Variants in RABGAP1L observed in about 807,000 individuals in gnomAD.
RABGAP1L encodes RAB GTPase activating protein 1 like.
A neutral mutation model predicts 137.7 loss-of-function variants in RABGAP1L; 63 were observed. The observed-to-expected ratio is 0.46, with a 90% CI of 0.37 to 0.56. RABGAP1L has a LOEUF of 0.56. RABGAP1L is among the 20% of genes least tolerant of loss of function. The pLI, the probability that RABGAP1L is intolerant of heterozygous loss-of-function variation, is 0.00. For missense variants in RABGAP1L, 1,095 were observed against 1,244.0 expected (o/e 0.88, Z 1.80); for synonymous variants, 431 against 433.7 (o/e 0.99, Z 0.08).
chr1:174,555,540 C>A (rs182371449), intron 13 of RABGAP1L, among the ~76,000 whole-genome samples: 4,583 of 151,378 alleles, frequency 0.03, 117 homozygotes, highest in Middle Eastern at 0.092. Flanking sequence ...GTCCCCCCCC[C>A]AAAAAAAATG....
intron 7 of RABGAP1L, among the ~76,000 whole-genome samples, chr1:174,258,317 C>T (rs1673290699): frequency 6.6e-6 from 1 of 152,210 alleles, no homozygotes; most frequent in Non-Finnish European, 1.5e-5. Context: ...CTGGGTCTCA[C>T]TCTGTCACCC....
At chr1:174,540,928 A>T (rs1665353605) in intron 13 of RABGAP1L, among the ~76,000 whole-genome samples, 1 of 152,230 alleles carries the variant, frequency 6.6e-6, no homozygotes. Flanking sequence ...ATCCACGAGC[A>T]TGGGATGTTC....
At chr1:174,182,506 CAG>C (rs1666460452) in intron 1 of RABGAP1L, among the ~76,000 whole-genome samples, 1 of 152,186 alleles carries the variant, frequency 6.6e-6, no homozygotes, top group African/African-American at 2.4e-5. Flanking sequence ...CACTGGATCT[CAG>C]GGGAAGAGGG....
At chr1:174,516,370 C>T (rs528954365) in intron 13 of RABGAP1L, among the ~76,000 whole-genome samples, 1 of 152,196 alleles carries the variant, frequency 6.6e-6, no homozygotes, top group East Asian at 1.9e-4. Flanking sequence ...CCAAAAAATA[C>T]AAAAATGCGA....
intron 13 of RABGAP1L, among the ~76,000 whole-genome samples, chr1:174,498,600 A>T (rs2149370139): frequency 6.6e-6 from 1 of 151,790 alleles, no homozygotes; most frequent in South Asian, 2.1e-4. Context: ...GGGTTCAGAT[A>T]ATTCTCCTGC....
chr1:174,739,226 T>C (rs1354395200), intron 17 of RABGAP1L, among the ~76,000 whole-genome samples: 1 of 152,226 alleles, frequency 6.6e-6, no homozygotes, highest in Non-Finnish European at 1.5e-5. Flanking sequence ...TACAGTTAAA[T>C]ATGACTAGAT....
At chr1:174,288,826 T>TTG (rs1236742100) in intron 10 of RABGAP1L, among the ~76,000 whole-genome samples, 8 of 152,324 alleles carry the variant, frequency 5.3e-5, no homozygotes, top group African/African-American at 1.9e-4. Context: ...CTTCGGATAC[T>TTG]TCTGGAATGC....
intron 13 of RABGAP1L, among the ~76,000 whole-genome samples, chr1:174,407,324 A>G (rs1649394106): frequency 6.9e-6 from 1 of 145,802 alleles, no homozygotes. Flanking sequence ...TCTCTCCATT[A>G]TATCTTTAAT....
chr1:174,535,120 G>C (rs12093966), intron 13 of RABGAP1L, among the ~76,000 whole-genome samples: 1 of 151,962 alleles, frequency 6.6e-6, no homozygotes, highest in Non-Finnish European at 1.5e-5. Context: ...TTGTTTTCTT[G>C]ATCTGTTGCA....
At chr1:174,161,964 CTCAGGCAG>C (rs897511795) in intron 1 of RABGAP1L, among the ~76,000 whole-genome samples, 2 of 151,818 alleles carry the variant, frequency 1.3e-5, no homozygotes, top group Non-Finnish European at 2.9e-5. Flanking sequence ...AACTCCTGGC[CTCAGGCAG>C]TCCTTGCGCC....
chr1:174,195,696 C>CTTTT (rs1558021446), intron 1 of RABGAP1L, among the ~76,000 whole-genome samples: 2 of 111,100 alleles, frequency 1.8e-5, no homozygotes, highest in East Asian at 4.8e-4. Flanking sequence ...TTCCTTCTTT[C>CTTTT]CTTCTTTCCT....
chr1:174,611,118 G>T (rs1198234089), intron 13 of RABGAP1L, among the ~76,000 whole-genome samples: 2 of 148,780 alleles, frequency 1.3e-5, no homozygotes, highest in Non-Finnish European at 3.0e-5. Context: ...TTTTAGACAT[G>T]AAGTCCTTGC....
chr1:174,391,928 A>G (rs1481992568), intron 12 of RABGAP1L, among the ~76,000 whole-genome samples: 2 of 152,116 alleles, frequency 1.3e-5, no homozygotes, highest in African/African-American at 4.8e-5. Flanking sequence ...TTCCTATTCA[A>G]CAGTATAATC....
At chr1:174,274,367 A>G (rs1415305879) in intron 8 of RABGAP1L, among the ~76,000 whole-genome samples, 3 of 152,178 alleles carry the variant, frequency 2.0e-5, no homozygotes, top group Non-Finnish European at 2.9e-5. Flanking sequence ...CCGTAAGATT[A>G]TAATGTATTT....
Position 174,241,633 on chromosome 1 carries a change from T to G in RABGAP1L, c.693T>G (p.Val231=). The change falls in exon 5 of 26, where the codon GTT becomes GTG. Residue 231 remains valine, a synonymous_variant. Transcript: ENST00000681986. ...GTTCGGAAGAATTTCAGATACATGT[T>G]TTCTCCTGTGAAATTAAAGAGGCAG... is the stretch of plus-strand genomic sequence containing the variant. ...SHGSEEFQIH[V]FSCEIKEAVS... is the part of the protein sequence containing the mutation. 27 of 1,613,118 alleles carry G rather than the reference T, an allele frequency of 1.7e-5. No homozygotes were observed. Among genetic ancestry groups the G allele is most frequent in the Non-Finnish European group, 2.2e-5 (26 of 1,179,630 alleles).
At chr1:174,660,608 A>G (rs1182234443) in intron 14 of RABGAP1L, among the ~76,000 whole-genome samples, 1 of 152,174 alleles carries the variant, frequency 6.6e-6, no homozygotes, top group Non-Finnish European at 1.5e-5. Flanking sequence ...GTGATTTACC[A>G]GGCTGTAAAC....
chr1:174,874,391 T>G, intron 19 of RABGAP1L: 1 of 865,610 alleles, frequency 1.2e-6, no homozygotes, highest in South Asian at 5.3e-5. Flanking sequence ...CTAGCGAAGT[T>G]AAATGACTTG....
chr1:174,663,430 G>A (rs1277991454), intron 14 of RABGAP1L, among the ~76,000 whole-genome samples: 2 of 152,150 alleles, frequency 1.3e-5, no homozygotes, highest in African/African-American at 4.8e-5. Context: ...TAGCTGAGAA[G>A]CAACGAGCTA....
intron 13 of RABGAP1L, among the ~76,000 whole-genome samples, chr1:174,542,441 C>G (rs1225078816): frequency 6.6e-6 from 1 of 152,052 alleles, no homozygotes; most frequent in Non-Finnish European, 1.5e-5. Context: ...GTGGTGATAT[C>G]CCCTTTATCA....
Sources: allele counts gnomAD v4.1 joint callset (sites outside exome capture counted in the v4.1 genomes callset), GRCh38; gene constraint gnomAD v4.1.1; transcripts MANE v1.5; gene names NCBI Gene and HGNC (gene_info 2026-07-23, HGNC 2026-07-21).